PAPLN: variants seen among roughly 807,000 people sequenced by gnomAD.
PAPLN encodes papilin.
In PAPLN, 146 loss-of-function variants were observed where a neutral mutation model predicts 159.0. That is an observed-to-expected ratio of 0.92 (90% CI 0.80 to 1.05). PAPLN has a LOEUF of 1.05. Among genes scored for constraint, PAPLN ranks in the 50% least tolerant of loss-of-function variants. PAPLN has a pLI of 0.00. For missense variants in PAPLN, 1,720 were observed against 1,743.9 expected, an observed-to-expected ratio of 0.99 and a Z score of 0.24; for synonymous variants, 734 against 702.9, an observed-to-expected ratio of 1.04 and a Z score of -0.70.
Position 73,245,643 on chromosome 14 carries a change from G to T in PAPLN, c.178G>T (p.Gly60Ter). ...ERPCYSQRRD[G>*]GSSCVGPARS... is the part of the protein sequence containing the mutation. Reference sequence around the variant, plus strand: ...GGTGCTCTGGTCCCGCAGGAGAGATGGAGGCTCCAGCTGCGTGGGCCCCGC... The same window carrying T: ...GGTGCTCTGGTCCCGCAGGAGAGATTGAGGCTCCAGCTGCGTGGGCCCCGC... Residue 60 changes from glycine (G) to a stop codon, truncating the protein, a stop_gained, in exon 4 of 27, where the codon GGA (glycine) becomes TGA (stop). Transcript: ENST00000644200. LOFTEE classifies it high-confidence loss of function. The surrounding 1 kb of genome is among the most constrained non-coding windows in gnomAD (Gnocchi z 4.2). 1 of 1,560,054 alleles carries T rather than the reference G, an allele frequency of 6.4e-7. No individual in the cohort carries two copies.
rs1224251609 is a variant in PAPLN at position 73,246,562 on chromosome 14, TTTCTCTCTCG to T, written c.334+398_334+407del. 5.9e-5 allele frequency among the ~76,000 whole-genome samples: 9 copies of T among 151,660 alleles called. No individual in the cohort carries two copies. The South Asian group carries it at 1.3e-3, about 21-fold the overall frequency. ...TTTTTCTTTATCTTTTTTTCTTTTC[TTTCTCTCTCG>T]TTCTCTCTCGCTTGCTCTTTTTTCT... On this transcript the variant is annotated intron_variant, in intron 5 of 26. Transcript: ENST00000644200.
chr14:73,258,446 C>T (rs1224661986), intron 14 of PAPLN, among the ~76,000 whole-genome samples: 3 of 151,862 alleles, frequency 2.0e-5, no homozygotes, highest in African/African-American at 4.8e-5. Flanking sequence ...GATCATAACA[C>T]GTGCACATTT....
At chr14:73,253,347 C>G (rs902085986) in intron 11 of PAPLN, 2 of 927,918 alleles carry the variant, frequency 2.2e-6, no homozygotes, top group Non-Finnish European at 3.0e-6. Flanking sequence ...CACAGGGCTG[C>G]TCTTTCCTCT....
chr14:73,262,337 C>A lies in PAPLN; in HGVS notation c.2246-13C>A. On this transcript the variant is annotated splice_polypyrimidine_tract_variant and intron_variant, in intron 18 of 26. Coordinates refer to ENST00000644200, the MANE Select transcript of PAPLN (RefSeq NM_001365906.3). ...GGCACCTCAGTGACTTATATCACAC[C>A]CATGCCCTGCAGCCTACCCCGTGCG... 1 of 1,599,112 alleles carries A rather than the reference C, an allele frequency of 6.3e-7. No individual in the cohort carries two copies.
intron 5 of PAPLN, among the ~76,000 whole-genome samples, chr14:73,249,512 A>G (rs1328143679): frequency 6.6e-6 from 1 of 152,102 alleles, no homozygotes; most frequent in African/African-American, 2.4e-5. Context: ...CATCTCTACT[A>G]AAAGTACAAA....
chr14:73,252,878 G>A lies in PAPLN; in HGVS notation c.1094+103G>A, dbSNP rs2140242267. On this transcript the variant is annotated intron_variant, in intron 11 of 26. Transcript: ENST00000644200. Reference sequence around the variant, plus strand: ...TTTAGGTGTAGAACAAAGAGGTGGGGGTCCAGGGCCCCCCACGCTGTGGCT... The same window carrying A: ...TTTAGGTGTAGAACAAAGAGGTGGGAGTCCAGGGCCCCCCACGCTGTGGCT... 1.1e-5 allele frequency: 17 copies of A among 1,530,030 alleles called. 1 individual carries two copies. The South Asian group carries it at 2.1e-4, about 19-fold the overall frequency. 94.8% of individuals were successfully genotyped at this position (1,530,030 alleles called of 1,614,324 possible). A position where few individuals can be genotyped will look rare whatever the true frequency, so the allele number is the denominator to read the frequency against.
chr14:73,256,780 G>A (rs1407779427), intron 14 of PAPLN, among the ~76,000 whole-genome samples: 1 of 152,024 alleles, frequency 6.6e-6, no homozygotes, highest in East Asian at 1.9e-4. Context: ...CTACTCAGGA[G>A]GCTGAGACAG....
intron 5 of PAPLN, among the ~76,000 whole-genome samples, chr14:73,246,645 T>TC (rs1264237249): frequency 2.6e-4 from 38 of 145,602 alleles, no homozygotes; most frequent in African/African-American, 8.2e-4. Context: ...TTTCTTTCTT[T>TC]TTTTTTTTTT....
At chr14:73,250,184 A>G in intron 6 of PAPLN, 70 bp downstream of exon 6, 1 of 1,482,120 alleles carries the variant, frequency 6.7e-7, no homozygotes, top group East Asian at 2.5e-5. Context: ...TTCCCTGTCC[A>G]TCACCCATAG....
At chr14:73,256,884 A>G (rs185687190) in intron 14 of PAPLN, among the ~76,000 whole-genome samples, 1 of 151,066 alleles carries the variant, frequency 6.6e-6, no homozygotes, top group Non-Finnish European at 1.5e-5. Context: ...ATTCTATCTC[A>G]AAAATAAAAA....
intron 5 of PAPLN, among the ~76,000 whole-genome samples, chr14:73,248,493 G>T (rs774355862): frequency 3.3e-5 from 5 of 152,156 alleles, no homozygotes; most frequent in Non-Finnish European, 5.9e-5. Context: ...TTTAAAATGT[G>T]TATATATTTA....
intron 18 of PAPLN, chr14:73,261,958 C>T (rs944689359): frequency 4.9e-6 from 1 of 203,672 alleles, no homozygotes; most frequent in African/African-American, 2.3e-5. Context: ...CTTCACACGC[C>T]CTGGGTGGCT....
In PAPLN at chr14:73,252,117, G is replaced by A. The variant is rs945630814; in HGVS notation, c.943G>A (p.Asp315Asn). The A allele has an allele frequency of 2.5e-6, 4 of 1,608,564 alleles. No individual in the cohort carries two copies. The highest frequency in any genetic ancestry group is 2.5e-6 in the Non-Finnish European group (3 of 1,177,760). The change falls in exon 10 of 27, where the codon GAC (aspartate) becomes AAC (asparagine). Residue 315 changes from aspartate to asparagine, a missense_variant. Asp to Asn is a conservative substitution (Grantham distance 23, BLOSUM62 1). Coordinates refer to ENST00000644200, the MANE Select transcript of PAPLN (RefSeq NM_001365906.3). ...GFSWSHGSWS[D>N]CSAECGGGHQ... ...CAGCTGGAGCCACGGCTCATGGAGT[G>A]ACTGCAGCGCGGAGTGTGGCGGAGG... is the stretch of plus-strand genomic sequence containing the variant.
At chr14:73,272,159 A>G (rs943843252) in intron 26 of PAPLN, 4 of 193,122 alleles carry the variant, frequency 2.1e-5, no homozygotes, top group African/African-American at 9.3e-5. Flanking sequence ...TCATTTAGTA[A>G]TTCAGGTCTC....
At chr14:73,271,370 T>TA (rs1157732687) in intron 26 of PAPLN, among the ~76,000 whole-genome samples, 4 of 152,056 alleles carry the variant, frequency 2.6e-5, no homozygotes, top group Admixed American at 2.6e-4. Flanking sequence ...ATTTTGTGAG[T>TA]AAACAAGGGG....
rs1594779342 is a variant in PAPLN at position 73,244,846 on chromosome 14, G to C, written c.170+87G>C. 6.9e-6 allele frequency: 7 copies of C among 1,010,238 alleles called. No homozygotes were observed. In the East Asian group the frequency reaches 1.9e-4, roughly 27 times the overall value. The allele number at this position is 1,010,238 out of a possible 1,614,324, so 62.6% of individuals were successfully genotyped here. On this transcript the variant is annotated intron_variant, in intron 3 of 26. Transcript: ENST00000644200. Reference sequence around the variant, plus strand: ...TGGTGGGCTAGGTGGTCGTGGCCTAGGCTAGCACTGGCCACATCAGCAGAA... The same window carrying C: ...TGGTGGGCTAGGTGGTCGTGGCCTACGCTAGCACTGGCCACATCAGCAGAA...
chr14:73,248,098 TGTGTGTGTGCGC>T (rs1884782877), intron 5 of PAPLN, among the ~76,000 whole-genome samples: 2 of 120,596 alleles, frequency 1.7e-5, no homozygotes, highest in South Asian at 3.1e-4. Context: ...TGTGTGTGTG[TGTGTGTGTGCGC>T]GTGTGTGTGT....
intron 18 of PAPLN, chr14:73,262,026 G>A (rs1373345160): frequency 2.5e-5 from 8 of 317,712 alleles, no homozygotes; most frequent in Admixed American, 4.8e-5. Flanking sequence ...GGCTCACTTT[G>A]CATGTGACTT....
chr14:73,249,493 G>A (rs1884980589), intron 5 of PAPLN, among the ~76,000 whole-genome samples: 1 of 152,078 alleles, frequency 6.6e-6, no homozygotes, highest in African/African-American at 2.4e-5. Flanking sequence ...GCCCAACATG[G>A]TGAAACCCCA....
Sources: allele counts gnomAD v4.1 joint callset (sites outside exome capture counted in the v4.1 genomes callset), GRCh38; gene constraint gnomAD v4.1.1; non-coding constraint Gnocchi (gnomAD v3.1); transcripts MANE v1.5; gene names NCBI Gene and HGNC (gene_info 2026-07-23, HGNC 2026-07-21).